The following RFTN1 variants were observed in gnomAD, a reference collection of about 807,000 sequenced individuals.
RFTN1 encodes raftlin, lipid raft linker 1.
Under a neutral mutation model 46.5 loss-of-function variants are expected in RFTN1, and 26 were observed. That is an observed-to-expected ratio of 0.56 (90% CI 0.41 to 0.78). The LOEUF (loss-of-function observed/expected upper bound fraction) is 0.78. Among genes scored for constraint, RFTN1 ranks in the 30% least tolerant of loss-of-function variants. The pLI is 0.00. For missense variants in RFTN1, 693 were observed against 718.7 expected, an observed-to-expected ratio of 0.96 and a Z score of 0.41; for synonymous variants, 261 against 284.2, an observed-to-expected ratio of 0.92 and a Z score of 0.82.
intron 7 of RFTN1, chr3:16,340,020 T>G (rs1204178466): frequency 2.0e-5 from 3 of 152,238 alleles, no homozygotes; most frequent in African/African-American, 7.2e-5. Flanking sequence ...TATGGGTATT[T>G]TGCATGTGGA....
rs2074083517 is a variant in RFTN1, at chr3:16,384,071, A to G, written c.442-5969T>C. On this transcript the variant is annotated intron_variant, in intron 4 of 9. Coordinates refer to ENST00000334133, the MANE Select transcript of RFTN1 (RefSeq NM_015150.2). This position sits in a 1 kb window ranked among gnomAD's most constrained non-coding sequence, Gnocchi z 4.7. Reference sequence around the variant, plus strand: ...ATTATTAGGTGGGTCTCATCTAATCAGGTGAAGGCTTTAAGAGCCAAGACT... The same window carrying G: ...ATTATTAGGTGGGTCTCATCTAATCGGGTGAAGGCTTTAAGAGCCAAGACT... 6.6e-6 allele frequency among the ~76,000 whole-genome samples: 1 copy of G among 152,262 alleles called. No individual in the cohort carries two copies. The highest frequency in any genetic ancestry group is 2.1e-4 in the South Asian group (1 of 4,834).
intron 2 of RFTN1, chr3:16,482,860 T>C: frequency 1.3e-6 from 2 of 1,533,790 alleles, no homozygotes; most frequent in Non-Finnish European, 1.7e-6. Context: ...TGAAGGACTG[T>C]ACGAGGAGGA....
Position 16,387,573 on chromosome 3 carries a change from T to TCTCC in RFTN1, c.442-9472_442-9471insGGAG. Among the ~76,000 whole-genome samples, 1 of 38,948 alleles carries TCTCC rather than the reference T, an allele frequency of 2.6e-5. No individual in the cohort carries two copies. Among genetic ancestry groups the TCTCC allele is most frequent in the African/African-American group, 5.6e-5 (1 of 17,816 alleles). The allele number at this position is 38,948 out of a possible 152,430, so 25.6% of individuals were successfully genotyped here. On this transcript the variant is annotated intron_variant, in intron 4 of 9. Transcript: ENST00000334133. This position sits in a 1 kb window ranked among gnomAD's most constrained non-coding sequence, Gnocchi z 5.2. ...TTCTCTCTTCTATATCCTCAATTTCTCTCTCTCTCTCTCTCTCTCTCTCTC... is the reference window on the plus strand; with the variant it reads ...TTCTCTCTTCTATATCCTCAATTTCTCTCCCTCTCTCTCTCTCTCTCTCTCTCTC...
At position 16,507,840 on chromosome 3, in the gene RFTN1, T is replaced by C. The variant is rs577064161; in HGVS notation, c.-9+5602A>G. ...ATACATACATACACACACACACACA[T>C]ACACACATATATATACACACACACA... is the stretch of plus-strand genomic sequence containing the variant. On this transcript the variant is annotated intron_variant, in intron 1 of 9. Coordinates refer to ENST00000334133, the MANE Select transcript of RFTN1 (RefSeq NM_015150.2). The surrounding 1 kb of genome is among the most constrained non-coding windows in gnomAD (Gnocchi z 7.1). 1.7e-3 allele frequency among the ~76,000 whole-genome samples: 246 copies of C among 148,272 alleles called. 1 individual carries two copies. Among genetic ancestry groups the C allele is most frequent in the African/African-American group, 5.7e-3 (229 of 39,872 alleles).
chr3:16,439,020 A>C (rs1280448146), intron 2 of RFTN1, among the ~76,000 whole-genome samples: 1 of 152,236 alleles, frequency 6.6e-6, no homozygotes, highest in East Asian at 1.9e-4. Flanking sequence ...AAATCTAAAG[A>C]TGTATCTCCT....
At chr3:16,330,791 C>A (rs2070232527) in intron 7 of RFTN1, among the ~76,000 whole-genome samples, 1 of 152,110 alleles carries the variant, frequency 6.6e-6, no homozygotes, top group Non-Finnish European at 1.5e-5. Flanking sequence ...CTTTCTTTAC[C>A]CTCCAAAAAT....
intron 7 of RFTN1, among the ~76,000 whole-genome samples, chr3:16,347,234 C>T (rs2071785547): frequency 1.3e-5 from 2 of 152,218 alleles, no homozygotes; most frequent in Admixed American, 6.5e-5. Context: ...CACATGCAAA[C>T]ATACTGTCAA....
intron 1 of RFTN1, among the ~76,000 whole-genome samples, chr3:16,511,482 T>C (rs1284567536): frequency 6.6e-6 from 1 of 152,140 alleles, no homozygotes; most frequent in Admixed American, 6.5e-5. Context: ...AAATGTGAAT[T>C]AGACTCTAGG....
chr3:16,445,483 T>TCACACA (rs10681518), intron 2 of RFTN1, among the ~76,000 whole-genome samples: 31,315 of 126,682 alleles, frequency 0.25, 4,269 homozygotes, highest in East Asian at 0.42. Context: ...TCTCTCTCTC[T>TCACACA]CACACACACA....
At chr3:16,357,780 A>G (rs2072547823) in intron 7 of RFTN1, 152 bp downstream of exon 7, 1 of 486,902 alleles carries the variant, frequency 2.1e-6, no homozygotes, top group Non-Finnish European at 3.6e-6. Context: ...AGGGGAATGA[A>G]AAGACTAAGG....
In RFTN1 at chr3:16,409,354, TA is replaced by T; in HGVS notation, c.441+20del. 6.6e-7 allele frequency: 1 copy of T among 1,517,458 alleles called. No homozygotes were observed. The highest frequency in any genetic ancestry group is 1.1e-5 in the South Asian group (1 of 89,104). 94.0% of individuals were successfully genotyped at this position (1,517,458 alleles called of 1,614,324 possible). A position where few individuals can be genotyped will look rare whatever the true frequency, so the allele number is the denominator to read the frequency against. ...GAACACTCGCAAACCTCTTCAATGG[TA>T]CCCTGACTGTAGCGCTCACCTTCTT... On this transcript the variant is annotated intron_variant, in intron 4 of 9. Coordinates refer to ENST00000334133, the MANE Select transcript of RFTN1 (RefSeq NM_015150.2).
chr3:16,451,258 G>A lies in RFTN1; in HGVS notation c.146-17221C>T, dbSNP rs529776828. ...CTGTCCTAGAAGTCAAGGGAAGACG[G>A]AACAGCAGAACGTCTCATCAGTGAC... On this transcript the variant is annotated intron_variant, in intron 2 of 9. Coordinates refer to ENST00000334133, the MANE Select transcript of RFTN1 (RefSeq NM_015150.2). The surrounding 1 kb of genome is among the most constrained non-coding windows in gnomAD (Gnocchi z 4.2). 3.9e-5 allele frequency among the ~76,000 whole-genome samples: 6 copies of A among 152,272 alleles called. No homozygotes were observed. In the South Asian group the frequency reaches 1.0e-3, roughly 26 times the overall value.
rs1043724201 is a variant in RFTN1 at position 16,344,483 on chromosome 3, G to C, written c.1146+13449C>G. Among the ~76,000 whole-genome samples the C allele has an allele frequency of 1.3e-5, 2 of 152,136 alleles. No homozygotes were observed. Among genetic ancestry groups the C allele is most frequent in the African/African-American group, 2.4e-5 (1 of 41,420 alleles). Reference sequence around the variant, plus strand: ...CAGAGTCTTCCCCACTCTCAGACCTGCCCTGGCCTTCTTCCCCCTCGCCCA... The same window carrying C: ...CAGAGTCTTCCCCACTCTCAGACCTCCCCTGGCCTTCTTCCCCCTCGCCCA... On this transcript the variant is annotated intron_variant, in intron 7 of 9. Transcript: ENST00000334133. The surrounding 1 kb of genome is among the most constrained non-coding windows in gnomAD (Gnocchi z 4.4).
intron 3 of RFTN1, among the ~76,000 whole-genome samples, chr3:16,411,186 A>C (rs1334787894): frequency 6.6e-6 from 1 of 152,142 alleles, no homozygotes; most frequent in South Asian, 2.1e-4. Flanking sequence ...TGTCCAGAAA[A>C]TGCATAAAGC....
In RFTN1 at chr3:16,346,952, C is replaced by G. The variant is rs1449032163; in HGVS notation, c.1146+10980G>C. Among the ~76,000 whole-genome samples, 1 of 152,180 alleles carries G rather than the reference C, an allele frequency of 6.6e-6. No individual in the cohort carries two copies. ...CCCACCTTGCTCTAGACTTCCTGCT[C>G]AATGAGATGAGATGAACACCCCTAC... On this transcript the variant is annotated intron_variant, in intron 7 of 9. Transcript: ENST00000334133. This position sits in a 1 kb window ranked among gnomAD's most constrained non-coding sequence, Gnocchi z 4.4.
rs148395898 is a variant in RFTN1, at chr3:16,473,146, A to G, written c.145+20579T>C. Among the ~76,000 whole-genome samples, 914 of 152,340 alleles carry G rather than the reference A, an allele frequency of 6.0e-3. 19 individuals are homozygous for G. Among genetic ancestry groups the G allele is most frequent in the Non-Finnish European group, 4.6e-3 (316 of 68,032 alleles). On this transcript the variant is annotated intron_variant, in intron 2 of 9. Transcript: ENST00000334133. This position sits in a 1 kb window ranked among gnomAD's most constrained non-coding sequence, Gnocchi z 5.3. The stretch of plus-strand genomic sequence containing the variant: ...CACACACGTACACACATACACAAAC[A>G]GTACTTTCAGTCTGCAATTGCCTGT...
rs1236918419 is a variant in RFTN1, at chr3:16,337,285, G to A, written c.1147-10409C>T. ...TTAGTCGATTTCCTAAAAGTTGAAG[G>A]AAAAATCACCCAGCTGACCTGTTTG... On this transcript the variant is annotated intron_variant, in intron 7 of 9. Transcript: ENST00000334133. The surrounding 1 kb of genome is among the most constrained non-coding windows in gnomAD (Gnocchi z 5.0). 6.6e-6 allele frequency: 1 copy of A among 152,156 alleles called. No individual in the cohort carries two copies. Among genetic ancestry groups the A allele is most frequent in the East Asian group, 1.9e-4 (1 of 5,198 alleles). 9.4% of individuals were successfully genotyped at this position (152,156 alleles called of 1,614,324 possible).
At position 16,335,159 on chromosome 3, in the gene RFTN1, A is replaced by G. The variant is rs1450612895; in HGVS notation, c.1147-8283T>C. Among the ~76,000 whole-genome samples, 4 of 152,264 alleles carry G rather than the reference A, an allele frequency of 2.6e-5. No individual in the cohort carries two copies. The highest frequency in any genetic ancestry group is 5.9e-5 in the Non-Finnish European group (4 of 68,040). The stretch of plus-strand genomic sequence containing the variant: ...CACTAAATCTGTGATTTGTTGCCGC[A>G]GCAACAGGAAATTAATCCACAGCTC... On this transcript the variant is annotated intron_variant, in intron 7 of 9. Coordinates refer to ENST00000334133, the MANE Select transcript of RFTN1 (RefSeq NM_015150.2). This position sits in a 1 kb window ranked among gnomAD's most constrained non-coding sequence, Gnocchi z 4.7.
At position 16,507,824 on chromosome 3, in the gene RFTN1, T is replaced by TAC. The variant is rs1032838800; in HGVS notation, c.-9+5616_-9+5617dup. On this transcript the variant is annotated intron_variant, in intron 1 of 9. Coordinates refer to ENST00000334133, the MANE Select transcript of RFTN1 (RefSeq NM_015150.2). This position sits in a 1 kb window ranked among gnomAD's most constrained non-coding sequence, Gnocchi z 7.1. ...ACACAAACGCACATACATACATACA[T>TAC]ACACACACACACACATACACACATA... 1.8e-3 allele frequency among the ~76,000 whole-genome samples: 95 copies of TAC among 53,314 alleles called. No individual in the cohort carries two copies. Among genetic ancestry groups the TAC allele is most frequent in the African/African-American group, 2.6e-3 (34 of 12,926 alleles). The allele number at this position is 53,314 out of a possible 152,430, so 35.0% of individuals were successfully genotyped here.
Sources: allele counts gnomAD v4.1 joint callset (sites outside exome capture counted in the v4.1 genomes callset), GRCh38; gene constraint gnomAD v4.1.1; non-coding constraint Gnocchi (gnomAD v3.1); transcripts MANE v1.5; gene names NCBI Gene and HGNC (gene_info 2026-07-23, HGNC 2026-07-21).